Variants in PRKAR1A observed in about 807,000 individuals in gnomAD.
The protein encoded by PRKAR1A is cAMP-dependent protein kinase type I-alpha regulatory subunit.
In PRKAR1A, 3 loss-of-function variants were observed where a neutral mutation model predicts 52.0. The ratio of observed to expected loss-of-function variants is 0.06; its 90% CI spans 0.03 to 0.15. The LOEUF (loss-of-function observed/expected upper bound fraction) is 0.15. Among genes scored for constraint, PRKAR1A ranks in the 10% least tolerant of loss-of-function variants. The pLI, the probability that PRKAR1A is intolerant of heterozygous loss-of-function variation, is 1.00. For synonymous variants in PRKAR1A, 188 were observed against 168.4 expected (o/e 1.12, Z -0.90); for missense variants, 240 against 477.4 (o/e 0.50, Z 4.63).
the PRKAR1A span, among the ~76,000 whole-genome samples, chr17:68,424,300 G>A: frequency 3.8e-4 from 58 of 152,202 alleles, no homozygotes; most frequent in African/African-American, 5.8e-4. Flanking sequence ...CGACCGACCC[G>A]CAGAGCCGAT....
At chr17:68,448,494 G>T in the PRKAR1A span, 1 of 152,124 alleles carries the variant, frequency 6.6e-6, no homozygotes, top group African/African-American at 2.4e-5. Context: ...TTTAGAAGGT[G>T]GGGGAGGAGA....
At chr17:68,456,570 C>A in the PRKAR1A span, among the ~76,000 whole-genome samples, 1 of 152,244 alleles carries the variant, frequency 6.6e-6, no homozygotes, top group African/African-American at 2.4e-5. Flanking sequence ...CAGCCCAGCT[C>A]CCTCTCAAAG....
At chr17:68,502,576 C>T in the PRKAR1A span, among the ~76,000 whole-genome samples, 10 of 151,768 alleles carry the variant, frequency 6.6e-5, no homozygotes, top group South Asian at 1.5e-3. Context: ...CATGGTGAAA[C>T]CCCCGTCTCT....
chr17:68,523,840 A>G (rs2085695008), intron 4 of PRKAR1A, 24 bp downstream of exon 4: 1 of 1,607,812 alleles, frequency 6.2e-7, no homozygotes, highest in Admixed American at 1.7e-5. Flanking sequence ...CTTTCTTAAC[A>G]CTATTTTTCA....
downstream of PRKAR1A, chr17:68,535,435 G>GA (rs1363766422): frequency 2.6e-5 from 12 of 453,940 alleles, no homozygotes; most frequent in Non-Finnish European, 4.4e-6. Context: ...CTGCTTTCCT[G>GA]AGAGTCTTAT....
chr17:68,463,791 C>T, the PRKAR1A span, among the ~76,000 whole-genome samples: 1 of 152,158 alleles, frequency 6.6e-6, no homozygotes, highest in African/African-American at 2.4e-5. Flanking sequence ...GGGAGAACTA[C>T]AGGCAAAGAG....
chr17:68,457,542 C>CG, the PRKAR1A span: 1 of 58,210 alleles, frequency 1.7e-5, no homozygotes, highest in African/African-American at 3.4e-4. Context: ...GCCCCGTCCC[C>CG]ACCCCGCCCC....
chr17:68,442,446 CAGAGTG>C, the PRKAR1A span, among the ~76,000 whole-genome samples: 1 of 135,728 alleles, frequency 7.4e-6, no homozygotes, highest in Non-Finnish European at 1.5e-5. Context: ...GCCTGGGCAA[CAGAGTG>C]AGACTGTGTC....
chr17:68,544,634 C>T (rs1337322510), intron 11 of PRKAR1A, among the ~76,000 whole-genome samples: 6 of 152,154 alleles, frequency 3.9e-5, no homozygotes, highest in East Asian at 1.9e-4. Flanking sequence ...CCAAAAAACA[C>T]GAGTGAGTCC....
chr17:68,460,491 G>T, the PRKAR1A span, among the ~76,000 whole-genome samples: 4 of 152,160 alleles, frequency 2.6e-5, no homozygotes, highest in African/African-American at 9.7e-5. Flanking sequence ...ATGGCCACGG[G>T]AGAAAAATGG....
At chr17:68,492,496 T>G in the PRKAR1A span, among the ~76,000 whole-genome samples, 1 of 152,048 alleles carries the variant, frequency 6.6e-6, no homozygotes, top group African/African-American at 2.4e-5. Flanking sequence ...CGTTGGTTAG[T>G]GAGCAGGAGA....
At chr17:68,489,243 ATATATATATATATATATG>A in the PRKAR1A span, among the ~76,000 whole-genome samples, 7 of 41,552 alleles carry the variant, frequency 1.7e-4, no homozygotes, top group Non-Finnish European at 2.4e-4. Flanking sequence ...AAGTATATAT[ATATATATATATATATATG>A]GAAAGTATAT....
chr17:68,540,410 GA>G, intron 11 of PRKAR1A: 2 of 455,822 alleles, frequency 4.4e-6, no homozygotes, highest in Admixed American at 2.4e-5. Context: ...GCTCCTGTAT[GA>G]CGGCCACCTT....
intron 2 of PRKAR1A, among the ~76,000 whole-genome samples, chr17:68,517,583 C>T (rs2085472599): frequency 6.6e-6 from 1 of 152,190 alleles, no homozygotes; most frequent in Non-Finnish European, 1.5e-5. Flanking sequence ...ATGATAACAG[C>T]ATGAGGGTAA....
Position 68,515,332 on chromosome 17 carries a change from A to G in PRKAR1A, c.-6-62A>G, listed in dbSNP as rs991935014. The G allele has an allele frequency of 1.3e-5, 21 of 1,585,178 alleles. No individual in the cohort carries two copies. In the African/African-American group the frequency reaches 2.4e-4, roughly 18 times the overall value. ...GTTGTCTAATGAATTTAGCAAGTTAAATGCCAGATTGACATTTTGCTTTAT... is the reference window on the plus strand; with the variant it reads ...GTTGTCTAATGAATTTAGCAAGTTAGATGCCAGATTGACATTTTGCTTTAT... On this transcript the variant is annotated intron_variant, in intron 1 of 10. Transcript: ENST00000589228.
chr17:68,422,885 A>G, the PRKAR1A span, among the ~76,000 whole-genome samples: 1 of 152,106 alleles, frequency 6.6e-6, no homozygotes, highest in African/African-American at 2.4e-5. Flanking sequence ...CATCCTCCCG[A>G]ATGTAGCAGC....
the PRKAR1A span, chr17:68,420,268 T>C: frequency 6.2e-7 from 1 of 1,614,124 alleles, no homozygotes; most frequent in Non-Finnish European, 8.5e-7. Flanking sequence ...TGGAAGACGA[T>C]ACCGCAGAAG....
At chr17:68,503,817 C>T in the PRKAR1A span, among the ~76,000 whole-genome samples, 111,393 of 152,158 alleles carry the variant, frequency 0.73, 41,094 homozygotes, top group East Asian at 0.94. Flanking sequence ...ATCAGAGAAA[C>T]GCAGATCAAA....
At chr17:68,516,030 T>G (rs138204375) in intron 2 of PRKAR1A, among the ~76,000 whole-genome samples, 1 of 152,216 alleles carries the variant, frequency 6.6e-6, no homozygotes, top group Non-Finnish European at 1.5e-5. Context: ...GTGACTGATA[T>G]ATCAGAAATT....
Sources: allele counts gnomAD v4.1 joint callset (sites outside exome capture counted in the v4.1 genomes callset), GRCh38; gene constraint gnomAD v4.1.1; transcripts MANE v1.5; gene names NCBI Gene and HGNC (gene_info 2026-07-23, HGNC 2026-07-21).